The following RYK variants were observed in gnomAD, a reference collection of about 807,000 sequenced individuals.
RYK encodes inactive tyrosine-protein kinase RYK.
In RYK, 21 loss-of-function variants were observed where a neutral mutation model predicts 70.2. The observed-to-expected ratio is 0.30, with a 90% CI of 0.21 to 0.43. RYK has a LOEUF of 0.43. Ranked by LOEUF, RYK falls within the 20% of genes least tolerant of loss-of-function variation. RYK has a pLI of 1.00. For synonymous variants in RYK, 267 were observed against 278.0 expected, an observed-to-expected ratio of 0.96 and a Z score of 0.39; for missense variants, 604 against 753.3, an observed-to-expected ratio of 0.80 and a Z score of 2.32.
At chr3:134,199,892 G>A (rs377234325) in intron 6 of RYK, among the ~76,000 whole-genome samples, 32 of 151,956 alleles carry the variant, frequency 2.1e-4, no homozygotes, top group African/African-American at 3.1e-4. Flanking sequence ...GTTTGTAAAC[G>A]CACCAATCAG....
At chr3:134,204,591 C>CCACAGCCCCACA (rs58130864) in intron 5 of RYK, among the ~76,000 whole-genome samples, 3 of 140,694 alleles carry the variant, frequency 2.1e-5, no homozygotes, top group Non-Finnish European at 4.6e-5. Flanking sequence ...ACAGCCACAG[C>CCACAGCCCCACA]CACACACACA....
intron 1 of RYK, among the ~76,000 whole-genome samples, chr3:134,239,825 C>A (rs2015277631): frequency 1.3e-5 from 2 of 152,196 alleles, no homozygotes; most frequent in African/African-American, 2.4e-5. Flanking sequence ...TGTGATAGCA[C>A]AGAGAGGCAC....
intron 3 of RYK, 56 bp downstream of exon 3, chr3:134,211,451 CA>C: frequency 8.3e-7 from 1 of 1,205,090 alleles, no homozygotes; most frequent in African/African-American, 1.5e-5. Context: ...GTTTTGGGGC[CA>C]TAGGGGATGC....
intron 5 of RYK, among the ~76,000 whole-genome samples, chr3:134,206,218 A>C (rs1458544860): frequency 3.9e-5 from 6 of 152,336 alleles, no homozygotes; most frequent in Non-Finnish European, 8.8e-5. Context: ...CAAGGTGATG[A>C]AAAGACAAAA....
At chr3:134,205,810 G>A (rs1215540228) in intron 5 of RYK, among the ~76,000 whole-genome samples, 4 of 152,074 alleles carry the variant, frequency 2.6e-5, no homozygotes, top group African/African-American at 2.4e-5. Flanking sequence ...ATATTGCCTC[G>A]TCTATTTCTC....
intron 14 of RYK, among the ~76,000 whole-genome samples, chr3:134,158,646 CT>C (rs1463289985): frequency 6.6e-6 from 1 of 152,166 alleles, no homozygotes; most frequent in Non-Finnish European, 1.5e-5. Context: ...AGTACAAAAG[CT>C]GCCACCTTGT....
chr3:134,243,305 A>C (rs2015372300), intron 1 of RYK, among the ~76,000 whole-genome samples: 1 of 151,958 alleles, frequency 6.6e-6, no homozygotes, highest in African/African-American at 2.4e-5. Flanking sequence ...CAAATTCCTC[A>C]CAAATCCATC....
At chr3:134,247,936 T>C (rs1248315144) in intron 1 of RYK, among the ~76,000 whole-genome samples, 1 of 152,152 alleles carries the variant, frequency 6.6e-6, no homozygotes, top group African/African-American at 2.4e-5. Flanking sequence ...GATTCTAAAA[T>C]ACGGTGCAAA....
At chr3:134,231,806 T>TGG (rs2015064711) in intron 1 of RYK, among the ~76,000 whole-genome samples, 1 of 152,174 alleles carries the variant, frequency 6.6e-6, no homozygotes, top group Non-Finnish European at 1.5e-5. Flanking sequence ...TTTACAATCA[T>TGG]GCCATCAAAC....
chr3:134,221,643 G>A (rs1313302166), intron 2 of RYK, among the ~76,000 whole-genome samples: 2 of 152,064 alleles, frequency 1.3e-5, no homozygotes, highest in African/African-American at 2.4e-5. Flanking sequence ...CAAATATTAT[G>A]ACAGACACTA....
chr3:134,226,980 C>T (rs942377498), intron 1 of RYK, among the ~76,000 whole-genome samples: 4 of 152,060 alleles, frequency 2.6e-5, no homozygotes, highest in Non-Finnish European at 5.9e-5. Context: ...ATAAAAAGCA[C>T]AAGGATGAAG....
intron 2 of RYK, among the ~76,000 whole-genome samples, chr3:134,217,964 A>G (rs1003253610): frequency 6.6e-6 from 1 of 152,212 alleles, no homozygotes; most frequent in African/African-American, 2.4e-5. Flanking sequence ...CTGAAACTAG[A>G]TTAACACAGA....
At chr3:134,245,288 C>A (rs1319823270) in intron 1 of RYK, among the ~76,000 whole-genome samples, 1 of 152,044 alleles carries the variant, frequency 6.6e-6, no homozygotes, top group Non-Finnish European at 1.5e-5. Flanking sequence ...TAGTTAAACC[C>A]AAACCCTAAC....
chr3:134,201,927 T>C (rs1361500754), intron 6 of RYK, among the ~76,000 whole-genome samples: 5 of 152,210 alleles, frequency 3.3e-5, no homozygotes, highest in Non-Finnish European at 5.9e-5. Flanking sequence ...TCATTCCATC[T>C]GTACCTCTCA....
intron 4 of RYK, among the ~76,000 whole-genome samples, chr3:134,209,099 C>G (rs2014312241): frequency 6.6e-6 from 1 of 152,156 alleles, no homozygotes; most frequent in Non-Finnish European, 1.5e-5. Context: ...CACTCGATTT[C>G]TTCAGTAACA....
chr3:134,231,008 C>T (rs1440469756), intron 1 of RYK, among the ~76,000 whole-genome samples: 1 of 151,896 alleles, frequency 6.6e-6, no homozygotes, highest in East Asian at 1.9e-4. Flanking sequence ...AAACACCTTT[C>T]CCAGGAAAAT....
At chr3:134,189,950 T>TCC (rs2013595637) in intron 8 of RYK, among the ~76,000 whole-genome samples, 1 of 152,140 alleles carries the variant, frequency 6.6e-6, no homozygotes, top group Non-Finnish European at 1.5e-5. Flanking sequence ...TTGTTTACTT[T>TCC]CCTTCCTTCA....
chr3:134,171,983 A>C (rs1230274454), intron 13 of RYK, among the ~76,000 whole-genome samples: 8 of 152,228 alleles, frequency 5.3e-5, no homozygotes, highest in Admixed American at 5.2e-4. Context: ...CTAAGAGAAT[A>C]ATAAAAAGAT....
At chr3:134,216,931 T>C (rs535278129) in intron 2 of RYK, among the ~76,000 whole-genome samples, 1 of 151,472 alleles carries the variant, frequency 6.6e-6, no homozygotes, top group Non-Finnish European at 1.5e-5. Context: ...TGCTTTTAAG[T>C]GTGTGGTCTT....
Sources: gnomAD v4.1 joint callset for allele counts (sites outside exome capture counted in the v4.1 genomes callset) on GRCh38, gnomAD v4.1.1 for gene constraint, MANE v1.5 for transcripts, NCBI Gene and HGNC (gene_info 2026-07-23, HGNC 2026-07-21) for gene names.